Variants in NLRP5 observed in about 807,000 individuals in gnomAD.
The protein encoded by NLRP5 is NACHT, LRR and PYD domains-containing protein 5.
In NLRP5, 93 loss-of-function variants were observed where a neutral mutation model predicts 113.1. The ratio of observed to expected loss-of-function variants is 0.82; its 90% CI spans 0.70 to 0.98. The LOEUF is 0.98. Ranked by LOEUF, NLRP5 falls within the 50% of genes least tolerant of loss-of-function variation. The probability of loss-of-function intolerance (pLI) is 0.00; values close to 1 mark genes in which losing one functional copy is unlikely to be tolerated. For missense variants in NLRP5, 1,808 were observed against 1,514.3 expected (o/e 1.19, Z -3.22); for synonymous variants, 751 against 600.7 (o/e 1.25, Z -3.66).
chr19:56,025,554 C>T (rs1172932255), intron 6 of NLRP5, among the ~76,000 whole-genome samples: 5 of 144,602 alleles, frequency 3.5e-5, no homozygotes, highest in Admixed American at 1.4e-4. Context: ...TACAGGCGCC[C>T]GCCAACATGT....
At chr19:55,988,423 TAA>T in the NLRP5 span, 1 of 114,664 alleles carries the variant, frequency 8.7e-6, no homozygotes, top group East Asian at 2.8e-4. Context: ...CATATACACA[TAA>T]ATATATATAT....
upstream of NLRP5, among the ~76,000 whole-genome samples, chr19:55,995,103 G>A (rs373571808): frequency 2.6e-5 from 4 of 152,090 alleles, no homozygotes; most frequent in African/African-American, 7.2e-5. Flanking sequence ...GCAAACTATC[G>A]CAAGGACAGA....
intron 10 of NLRP5, among the ~76,000 whole-genome samples, chr19:56,039,224 G>A (rs1983430244): frequency 6.6e-6 from 1 of 152,200 alleles, no homozygotes. Flanking sequence ...GTGATGCCGG[G>A]AGTCAAGGGT....
chr19:56,052,547 G>A (rs1321140297), intron 12 of NLRP5, among the ~76,000 whole-genome samples: 3 of 152,198 alleles, frequency 2.0e-5, no homozygotes, highest in African/African-American at 4.8e-5. Context: ...TGGGATTAGA[G>A]GCGTGAGCCA....
intron 3 of NLRP5, among the ~76,000 whole-genome samples, chr19:56,010,819 TGTG>T (rs1391630963): frequency 2.7e-5 from 4 of 147,026 alleles, no homozygotes; most frequent in African/African-American, 5.1e-5. Flanking sequence ...TAGAATCAAA[TGTG>T]GTCCATGTAT....
intron 12 of NLRP5, 73 bp downstream of exon 12, chr19:56,050,661 GAGCAGGGAGA>G: frequency 1.4e-6 from 2 of 1,452,304 alleles, no homozygotes; most frequent in Admixed American, 4.3e-5. Context: ...CAAGAGATAG[GAGCAGGGAGA>G]CCGGAACCAA....
At chr19:55,998,660 G>GTATA (rs1160435135), upstream of NLRP5, among the ~76,000 whole-genome samples, 490 of 62,112 alleles carry the variant, frequency 7.9e-3, 27 homozygotes, top group Admixed American at 0.019. Flanking sequence ...CTCAAAATAT[G>GTATA]TGTGTGTGTG....
At chr19:56,019,499 C>G (rs1478646159) in intron 5 of NLRP5, 101 bp downstream of exon 5, 66 of 1,346,310 alleles carry the variant, frequency 4.9e-5, no homozygotes, top group Non-Finnish European at 6.7e-5. Flanking sequence ...TTTAGATTGC[C>G]TTTCTTCATT....
chr19:56,022,218 C>T (rs1982642322), intron 6 of NLRP5, among the ~76,000 whole-genome samples: 1 of 152,132 alleles, frequency 6.6e-6, no homozygotes, highest in Admixed American at 6.6e-5. Flanking sequence ...GAGATACACT[C>T]TCCACTCCAC....
intron 11 of NLRP5, among the ~76,000 whole-genome samples, chr19:56,043,686 C>A (rs1271117206): frequency 6.6e-5 from 10 of 151,018 alleles, no homozygotes; most frequent in African/African-American, 2.4e-4. Flanking sequence ...CTGCCTCAGC[C>A]TCTCGAGTAG....
chr19:55,995,745 C>G (rs1325037712), upstream of NLRP5, among the ~76,000 whole-genome samples: 1 of 152,010 alleles, frequency 6.6e-6, no homozygotes, highest in Non-Finnish European at 1.5e-5. Flanking sequence ...TTTATCTATC[C>G]TCTTCAATTT....
intron 1 of NLRP5, among the ~76,000 whole-genome samples, chr19:56,000,893 C>G (rs1341802530): frequency 2.0e-5 from 3 of 151,738 alleles, no homozygotes; most frequent in African/African-American, 7.3e-5. Context: ...GTAATCCCAG[C>G]TACTTGGGAG....
At chr19:56,007,693 C>T (rs72629146) in intron 2 of NLRP5, among the ~76,000 whole-genome samples, 1 of 150,588 alleles carries the variant, frequency 6.6e-6, no homozygotes, top group South Asian at 2.1e-4. Context: ...ATCAAACTTT[C>T]CTTTCAGCAC....
At chr19:56,043,784 A>G (rs1185056579) in intron 11 of NLRP5, among the ~76,000 whole-genome samples, 2 of 151,392 alleles carry the variant, frequency 1.3e-5, no homozygotes, top group Admixed American at 6.6e-5. Context: ...TCACCACGTT[A>G]GCCAGGATGG....
intron 3 of NLRP5, among the ~76,000 whole-genome samples, chr19:56,010,742 C>CAAAAAAAAAAAAAAAAAAAAA (rs1412317286): frequency 0.035 from 1,432 of 40,878 alleles, 283 homozygotes; most frequent in East Asian, 0.14. Context: ...AACTCTGTCT[C>CAAAAAAAAAAAAAAAAAAAAA]AAAAAAAAAA....
intron 10 of NLRP5, among the ~76,000 whole-genome samples, chr19:56,039,906 C>T (rs1983456389): frequency 1.3e-5 from 2 of 151,920 alleles, no homozygotes; most frequent in African/African-American, 4.8e-5. Context: ...AAGCGCAAAA[C>T]TCCATCTCAA....
intron 1 of NLRP5, among the ~76,000 whole-genome samples, chr19:56,001,984 G>T (rs1201793862): frequency 6.6e-6 from 1 of 152,090 alleles, no homozygotes; most frequent in Non-Finnish European, 1.5e-5. Flanking sequence ...CAAGAAAAAA[G>T]GAAATTTGAG....
chr19:56,012,663 AATTATTTTCCTTGGAACGATCTTAC>A (rs1982244324), intron 3 of NLRP5, among the ~76,000 whole-genome samples: 2 of 69,492 alleles, frequency 2.9e-5, no homozygotes, highest in African/African-American at 4.7e-5. Context: ...ACGATCTTAC[AATTATTTTCCTTGGAACGATCTTAC>A]AATTATTTTC....
intron 9 of NLRP5, 56 bp from the exon 10 acceptor site, chr19:56,037,969 G>C (rs1317846236): frequency 6.3e-7 from 1 of 1,589,640 alleles, no homozygotes; most frequent in Non-Finnish European, 8.6e-7. Flanking sequence ...GAGTAGAGGG[G>C]AAATGGGCTG....
Sources: gnomAD v4.1 joint callset for allele counts (sites outside exome capture counted in the v4.1 genomes callset) on GRCh38, gnomAD v4.1.1 for gene constraint, MANE v1.5 for transcripts, NCBI Gene and HGNC (gene_info 2026-07-23, HGNC 2026-07-21) for gene names.